The following XKR9 variants were observed in gnomAD, a reference collection of about 807,000 sequenced individuals.
The protein encoded by XKR9 is XK related 9, also known as XK-related protein 9.
In XKR9, 32 loss-of-function variants were observed where a neutral mutation model predicts 32.0. The ratio of observed to expected loss-of-function variants is 1.00; its 90% CI spans 0.76 to 1.34. XKR9 has a LOEUF of 1.34. Among genes scored for constraint, XKR9 ranks in the 40% most tolerant of loss-of-function variants. The pLI is 0.00. For synonymous variants in XKR9, 168 were observed against 143.4 expected (o/e 1.17, Z -1.22); for missense variants, 546 against 429.7 (o/e 1.27, Z -2.39).
chr8:71,049,676 A>G, the XKR9 span, among the ~76,000 whole-genome samples: 1 of 152,202 alleles, frequency 6.6e-6, no homozygotes, highest in Middle Eastern at 3.2e-3. Context: ...AAGAAAGTGT[A>G]GACAAGTTGG....
the XKR9 span, among the ~76,000 whole-genome samples, chr8:70,882,115 G>A: frequency 2.0e-5 from 3 of 152,192 alleles, no homozygotes; most frequent in Admixed American, 6.6e-5. Context: ...GCCTGTTGGT[G>A]GTGGGGGGCT....
At chr8:70,847,749 C>A in the XKR9 span, among the ~76,000 whole-genome samples, 1 of 152,050 alleles carries the variant, frequency 6.6e-6, no homozygotes, top group South Asian at 2.1e-4. Flanking sequence ...TGTATACATT[C>A]AACCTACCAA....
At chr8:70,789,091 A>G (rs10504483) in intron 2 of XKR9, among the ~76,000 whole-genome samples, 11,034 of 152,080 alleles carry the variant, frequency 0.073, 474 homozygotes, top group Non-Finnish European at 0.089. Context: ...TCTCATGACT[A>G]ACTAGAATGG....
At chr8:70,875,701 T>G in the XKR9 span, among the ~76,000 whole-genome samples, 1 of 152,158 alleles carries the variant, frequency 6.6e-6, no homozygotes, top group East Asian at 1.9e-4. Flanking sequence ...ATACTCCATT[T>G]AAGAATATAT....
the XKR9 span, among the ~76,000 whole-genome samples, chr8:70,863,398 T>C: frequency 6.6e-6 from 1 of 152,146 alleles, no homozygotes; most frequent in East Asian, 1.9e-4. Context: ...TAATTTAAAG[T>C]TGTGTGATGA....
chr8:70,961,964 C>G, the XKR9 span, among the ~76,000 whole-genome samples: 2 of 152,082 alleles, frequency 1.3e-5, no homozygotes, highest in South Asian at 4.1e-4. Context: ...AAATGGTCCA[C>G]ATTTTAAAAA....
At chr8:70,690,174 G>C (rs1327655037) in intron 3 of XKR9, among the ~76,000 whole-genome samples, 2 of 151,954 alleles carry the variant, frequency 1.3e-5, no homozygotes, top group African/African-American at 4.8e-5. Context: ...GTGTCATGGG[G>C]GTTTGTTATT....
chr8:70,998,023 G>A, the XKR9 span, among the ~76,000 whole-genome samples: 4 of 152,048 alleles, frequency 2.6e-5, no homozygotes, highest in Admixed American at 1.3e-4. Context: ...AAGAGCCAAC[G>A]TGATTCATAA....
At chr8:70,902,644 G>A in the XKR9 span, among the ~76,000 whole-genome samples, 3 of 152,100 alleles carry the variant, frequency 2.0e-5, no homozygotes, top group African/African-American at 7.2e-5. Flanking sequence ...CTGCCTGATT[G>A]CCCTGGCCAG....
At chr8:70,720,515 T>C (rs1806243130) in intron 4 of XKR9, among the ~76,000 whole-genome samples, 1 of 152,192 alleles carries the variant, frequency 6.6e-6, no homozygotes. Flanking sequence ...TGAAGGGGTG[T>C]TGAATTGTAT....
At chr8:70,813,138 G>A in the XKR9 span, among the ~76,000 whole-genome samples, 48 of 152,078 alleles carry the variant, frequency 3.2e-4, no homozygotes, top group East Asian at 2.3e-3. Flanking sequence ...AAATAATGCC[G>A]CATATCTACA....
chr8:70,892,552 G>A, the XKR9 span, among the ~76,000 whole-genome samples: 1 of 152,124 alleles, frequency 6.6e-6, no homozygotes, highest in African/African-American at 2.4e-5. Context: ...CTTAGTTTAT[G>A]CTTGTCTGCA....
the XKR9 span, among the ~76,000 whole-genome samples, chr8:70,928,150 C>G: frequency 1.3e-5 from 2 of 152,128 alleles, no homozygotes; most frequent in Non-Finnish European, 2.9e-5. Context: ...TCAAGCAATC[C>G]TCCTGCTGTA....
In XKR9 at chr8:70,734,201, G is replaced by A. The variant is rs1563458544; in HGVS notation, c.899G>A (p.Gly300Glu). The change falls in exon 5 of 5, where the codon GGG becomes GAG. Residue 300 changes from glycine (G) to glutamate (E), a missense_variant. Physicochemically the swap from Gly to Glu is moderately conservative, Grantham distance 98 (BLOSUM62 -2). Transcript: ENST00000408926. ...YYIVRVLGTL[G>E]ILTVFWVCPL... Reference sequence around the variant, plus strand: ...ATTGTTAGGGTACTGGGCACTTTGGGGATATTGACTGTATTCTGGGTTTGC... The same window carrying A: ...ATTGTTAGGGTACTGGGCACTTTGGAGATATTGACTGTATTCTGGGTTTGC... The A allele has an allele frequency of 1.9e-6, 3 of 1,613,202 alleles. No homozygotes were observed. The highest frequency in any genetic ancestry group is 2.2e-5 in the East Asian group (1 of 44,806).
At chr8:71,002,882 G>A in the XKR9 span, among the ~76,000 whole-genome samples, 1 of 152,220 alleles carries the variant, frequency 6.6e-6, no homozygotes, top group Admixed American at 6.5e-5. Context: ...CAGGAGATTC[G>A]TTCTCTAATT....
At chr8:70,856,358 C>G in the XKR9 span, among the ~76,000 whole-genome samples, 2 of 152,170 alleles carry the variant, frequency 1.3e-5, no homozygotes, top group East Asian at 3.9e-4. Context: ...TTTAAACCAA[C>G]GAAGATCAAA....
chr8:70,862,028 T>A, the XKR9 span, among the ~76,000 whole-genome samples: 1 of 152,172 alleles, frequency 6.6e-6, no homozygotes, highest in Non-Finnish European at 1.5e-5. Flanking sequence ...CTTTTGCCTT[T>A]GTCCATATGA....
the XKR9 span, among the ~76,000 whole-genome samples, chr8:70,885,544 T>A: frequency 6.6e-6 from 1 of 152,104 alleles, no homozygotes; most frequent in Non-Finnish European, 1.5e-5. Context: ...ATTATGTATT[T>A]GTCCTAATGC....
At chr8:70,792,587 A>T (rs191137100), downstream of XKR9, among the ~76,000 whole-genome samples, 1 of 152,252 alleles carries the variant, frequency 6.6e-6, no homozygotes, top group Admixed American at 6.5e-5. Context: ...CACTGACATA[A>T]GAAGCAGTTA....
Sources: allele counts gnomAD v4.1 joint callset (sites outside exome capture counted in the v4.1 genomes callset), GRCh38; gene constraint gnomAD v4.1.1; transcripts MANE v1.5; gene names NCBI Gene and HGNC (gene_info 2026-07-23, HGNC 2026-07-21).